Variants in TTC1 observed in about 807,000 individuals in gnomAD.
The protein encoded by TTC1 is tetratricopeptide repeat domain 1, also known as tetratricopeptide repeat protein 1.
Under a neutral mutation model 37.6 loss-of-function variants are expected in TTC1, and 31 were observed. That is an observed-to-expected ratio of 0.82 (90% CI 0.62 to 1.11). TTC1 has a LOEUF of 1.11. TTC1 is among the 50% of genes most tolerant of loss of function. TTC1 has a pLI of 0.00. For synonymous variants in TTC1, 127 were observed against 122.4 expected (o/e 1.04, Z -0.25); for missense variants, 351 against 339.0 (o/e 1.04, Z -0.28).
chr5:160,046,010 A>G (rs1581110832), intron 5 of TTC1, among the ~76,000 whole-genome samples: 2 of 152,072 alleles, frequency 1.3e-5, no homozygotes, highest in Non-Finnish European at 2.9e-5. Flanking sequence ...CAAAGTGCTG[A>G]GATTACAGGC....
intron 2 of TTC1, among the ~76,000 whole-genome samples, chr5:160,034,227 T>G (rs372864961): frequency 2.6e-5 from 4 of 151,430 alleles, no homozygotes; most frequent in South Asian, 2.1e-4. Flanking sequence ...GTGGCAGGCA[T>G]ACAGACTCTT....
In TTC1 at chr5:160,049,662, G is replaced by A; in HGVS notation, c.690G>A (p.Met230Ile). 1.3e-6 allele frequency: 2 copies of A among 1,566,522 alleles called. No homozygotes were observed. The highest frequency in any genetic ancestry group is 8.6e-7 in the Non-Finnish European group (1 of 1,164,346). Reference protein sequence around the residue: ...PSIHQAREACMRLPKQIEERN... With the variant: ...PSIHQAREACIRLPKQIEERN... ...TACATCAAGCAAGAGAAGCTTGTATGGTAAAACCTAAAATTTTAAAAATAT... is the reference window on the plus strand; with the variant it reads ...TACATCAAGCAAGAGAAGCTTGTATAGTAAAACCTAAAATTTTAAAAATAT... Residue 230 changes from methionine to isoleucine, a missense_variant and splice_region_variant, in exon 6 of 8, where the codon ATG becomes ATA. Transcript: ENST00000231238.
At chr5:160,049,711 C>A in intron 6 of TTC1, 49 bp downstream of exon 6, 1 of 1,395,734 alleles carries the variant, frequency 7.2e-7, no homozygotes, top group South Asian at 1.6e-5. Flanking sequence ...CTTTGTGTTG[C>A]TACCCAGTGA....
chr5:160,032,145 A>G (rs1561629884), intron 2 of TTC1, among the ~76,000 whole-genome samples: 1 of 152,214 alleles, frequency 6.6e-6, no homozygotes, highest in Non-Finnish European at 1.5e-5. Flanking sequence ...CTCCTAAAAC[A>G]TGAACACACA....
intron 7 of TTC1, among the ~76,000 whole-genome samples, chr5:160,064,251 G>A (rs1160913429): frequency 6.6e-6 from 1 of 152,194 alleles, no homozygotes; most frequent in Admixed American, 6.5e-5. Context: ...TTACAGGCGT[G>A]AGCCACCACG....
chr5:160,011,635 AT>A (rs1014906380), intron 2 of TTC1, among the ~76,000 whole-genome samples: 6 of 152,250 alleles, frequency 3.9e-5, no homozygotes. Flanking sequence ...GACTAATAAA[AT>A]GTACACTCTC....
Position 160,051,147 on chromosome 5 carries a change from G to A in TTC1, c.709G>A (p.Glu237Lys), listed in dbSNP as rs1340149036. ...EACMRLPKQI[E>K]ERNERLKEEM... ...TCCTCAGAGATTACCTAAGCAAATTGAAGAACGTAATGAAAGACTAAAAGA... is the reference window on the plus strand; with the variant it reads ...TCCTCAGAGATTACCTAAGCAAATTAAAGAACGTAATGAAAGACTAAAAGA... The change falls in exon 7 of 8, where the codon GAA becomes AAA. Residue 237 changes from glutamate to lysine, a missense_variant. Transcript: ENST00000231238. 1.9e-6 allele frequency: 3 copies of A among 1,594,838 alleles called. No homozygotes were observed. Among genetic ancestry groups the A allele is most frequent in the Non-Finnish European group, 2.6e-6 (3 of 1,168,710 alleles).
In TTC1 at chr5:160,060,832, T is replaced by C. The variant is rs150466169; in HGVS notation, c.746-4100T>C. Among the ~76,000 whole-genome samples the C allele has an allele frequency of 2.6e-3, 401 of 152,360 alleles. 3 individuals carry two copies. The highest frequency in any genetic ancestry group is 0.01 in the Middle Eastern group (3 of 294). On this transcript the variant is annotated intron_variant, in intron 7 of 7. Transcript: ENST00000231238. ...ACTTGTTGATTCTACCATACTGTTT[T>C]GCCCTGTTCTTTGTGTTCCACTGAC... is the stretch of plus-strand genomic sequence containing the variant.
intron 2 of TTC1, chr5:160,023,730 GCTT>G (rs1756754995): frequency 3.7e-6 from 6 of 1,608,354 alleles, no homozygotes; most frequent in Middle Eastern, 2.1e-4. Context: ...ACTCCTATGT[GCTT>G]CTTCTTGTGC....
At chr5:160,048,126 C>CTTTTTTTTTTTTTTTTTTTT (rs56201199) in intron 5 of TTC1, among the ~76,000 whole-genome samples, 1 of 35,538 alleles carries the variant, frequency 2.8e-5, no homozygotes, top group Non-Finnish European at 4.7e-5. Context: ...CAAGACATTG[C>CTTTTTTTTTTTTTTTTTTTT]TTTTTTTTTT....
rs776329281 is a variant in TTC1 at position 160,010,610 on chromosome 5, T to A, written c.82T>A (p.Cys28Ser). The change falls in exon 2 of 8, where the codon TGT becomes AGT. Residue 28 changes from cysteine (C) to serine (S), a missense_variant. Coordinates refer to ENST00000231238, the MANE Select transcript of TTC1 (RefSeq NM_003314.3). ...GGTTACAGATACTCAGGAAGCCGAG[T>A]GTGCTGGCCCTCCAGTTCCTGATCC... is the stretch of plus-strand genomic sequence containing the variant. ...LKVTDTQEAECAGPPVPDPKN... is the reference protein window; with the variant it reads ...LKVTDTQEAESAGPPVPDPKN... 1 of 1,614,018 alleles carries A rather than the reference T, an allele frequency of 6.2e-7. No individual in the cohort carries two copies.
chr5:160,016,438 G>C (rs1756607951), intron 2 of TTC1, among the ~76,000 whole-genome samples: 1 of 152,104 alleles, frequency 6.6e-6, no homozygotes, highest in Non-Finnish European at 1.5e-5. Flanking sequence ...GTATTGACCT[G>C]GGAAGCTGCC....
intron 3 of TTC1, among the ~76,000 whole-genome samples, chr5:160,035,965 T>C (rs1581102240): frequency 2.0e-5 from 3 of 151,810 alleles, no homozygotes; most frequent in Middle Eastern, 6.8e-3. Flanking sequence ...TTTTTTTTTT[T>C]CCTATATCTT....
chr5:160,049,001 T>C (rs761247331), intron 5 of TTC1, among the ~76,000 whole-genome samples: 6 of 152,120 alleles, frequency 3.9e-5, no homozygotes, highest in Non-Finnish European at 5.9e-5. Context: ...AACTCTGTTC[T>C]GGCCTGTCCT....
At chr5:160,012,406 C>A (rs1218399924) in intron 2 of TTC1, among the ~76,000 whole-genome samples, 1 of 151,546 alleles carries the variant, frequency 6.6e-6, no homozygotes, top group Non-Finnish European at 1.5e-5. Context: ...ACTGTGTCAT[C>A]CAGGCTGGAG....
intron 7 of TTC1, among the ~76,000 whole-genome samples, chr5:160,063,256 C>T (rs1490673584): frequency 6.6e-6 from 1 of 152,114 alleles, no homozygotes; most frequent in Non-Finnish European, 1.5e-5. Context: ...TGCTCTGTTA[C>T]CCAGGCTGGA....
intron 7 of TTC1, among the ~76,000 whole-genome samples, chr5:160,062,457 G>A (rs1468148573): frequency 6.6e-6 from 1 of 152,170 alleles, no homozygotes; most frequent in African/African-American, 2.4e-5. Context: ...GCACCTCTGG[G>A]CACACCTCCG....
At chr5:160,042,003 T>TAGA (rs1368618852) in intron 4 of TTC1, among the ~76,000 whole-genome samples, 1 of 152,052 alleles carries the variant, frequency 6.6e-6, no homozygotes, top group Non-Finnish European at 1.5e-5. Flanking sequence ...GAACTCAACT[T>TAGA]ACTGCAATCT....
intron 2 of TTC1, among the ~76,000 whole-genome samples, chr5:160,021,007 A>T (rs2113350055): frequency 1.3e-5 from 2 of 152,368 alleles, no homozygotes; most frequent in Non-Finnish European, 2.9e-5. Flanking sequence ...TTTGGAAGTT[A>T]GTGAGGTGTG....
Sources: gnomAD v4.1 joint callset for allele counts (sites outside exome capture counted in the v4.1 genomes callset) on GRCh38, gnomAD v4.1.1 for gene constraint, MANE v1.5 for transcripts, NCBI Gene and HGNC (gene_info 2026-07-23, HGNC 2026-07-21) for gene names.